FPGS: variants seen among roughly 807,000 people sequenced by gnomAD.
FPGS encodes folylpolyglutamate synthase.
In FPGS, 53 loss-of-function variants were observed where a neutral mutation model predicts 66.5. The observed-to-expected ratio is 0.80, with a 90% confidence interval of 0.64 to 1.00. The LOEUF is 1.00. Among genes scored for constraint, FPGS ranks in the 50% least tolerant of loss-of-function variants. The probability of loss-of-function intolerance (pLI) is 0.00; values close to 1 mark genes in which losing one functional copy is unlikely to be tolerated. For missense variants in FPGS, 702 were observed against 807.7 expected (o/e 0.87, Z 1.59); for synonymous variants, 348 against 350.9 (o/e 0.99, Z 0.09).
chr9:127,807,758 A>G lies in FPGS; in HGVS notation c.744+70A>G, dbSNP rs1186870840. ...GAGTCTACGTTTTCATCCTGGCTTCACTGTGTGACTGGAACAAGTTGAGTC... is the reference window on the plus strand; with the variant it reads ...GAGTCTACGTTTTCATCCTGGCTTCGCTGTGTGACTGGAACAAGTTGAGTC... On this transcript the variant is annotated intron_variant, in intron 8 of 14. Coordinates refer to ENST00000373247, the MANE Select transcript of FPGS (RefSeq NM_004957.6). This position sits in a 1 kb window ranked among gnomAD's most constrained non-coding sequence, Gnocchi z 5.8. 3 of 959,964 alleles carry G rather than the reference A, an allele frequency of 3.1e-6. No individual in the cohort carries two copies. The highest frequency in any genetic ancestry group is 3.3e-5 in the African/African-American group (2 of 61,134). The allele number at this position is 959,964 out of a possible 1,614,324, so 59.5% of individuals were successfully genotyped here. A position where few individuals can be genotyped will look rare whatever the true frequency, so the allele number is the denominator to read the frequency against.
At position 127,813,626 on chromosome 9, in the gene FPGS, G is replaced by T; in HGVS notation, c.*22G>T. 2 of 1,502,728 alleles carry T rather than the reference G, an allele frequency of 1.3e-6. No individual in the cohort carries two copies. The highest frequency in any genetic ancestry group is 2.4e-5 in the East Asian group (1 of 42,536). The allele number at this position is 1,502,728 out of a possible 1,614,324, so 93.1% of individuals were successfully genotyped here. On this transcript the variant is annotated 3_prime_UTR_variant, in exon 15 of 15. Transcript: ENST00000373247. ...GTAGCCAAGGCCCGGGGTTGGAGGT[G>T]GGAGCTTCCCACACCTGCCTGCGTT...
At chr9:127,804,206 C>T (rs1829718985) in intron 1 of FPGS, 79 bp from the exon 2 acceptor site, 1 of 1,557,854 alleles carries the variant, frequency 6.4e-7, no homozygotes, top group Non-Finnish European at 8.7e-7. Flanking sequence ...CCTGGCTTGG[C>T]CACTGGTCTG....
Position 127,813,393 on chromosome 9 carries a change from G to C in FPGS, c.1553G>C (p.Ser518Thr), listed in dbSNP as rs369079697. The change falls in exon 15 of 15, where the codon AGC (serine) becomes ACC (threonine). Residue 518 changes from serine (S) to threonine (T), a missense_variant. Physicochemically the swap from Ser to Thr is moderately conservative, Grantham distance 58. This residue lies in a region of FPGS where 351 missense variants were observed against 363.7 expected (regional missense o/e 0.97). Transcript: ENST00000373247. ...HTCSASSLVFSCISHALQWIS... is the reference protein window; with the variant it reads ...HTCSASSLVFTCISHALQWIS... ...TGCAGTGCCAGCTCCCTCGTCTTCA[G>C]CTGCATTTCACATGCCTTGCAATGG... 2.5e-6 allele frequency: 4 copies of C among 1,610,284 alleles called. No individual in the cohort carries two copies. Among genetic ancestry groups the C allele is most frequent in the Non-Finnish European group, 3.4e-6 (4 of 1,177,722 alleles).
In FPGS at chr9:127,807,807, T is replaced by A; in HGVS notation, c.744+119T>A. The A allele has an allele frequency of 1.5e-6, 1 of 669,430 alleles. No individual in the cohort carries two copies. The highest frequency in any genetic ancestry group is 3.2e-5 in the Admixed American group (1 of 31,146). 41.5% of individuals were successfully genotyped at this position (669,430 alleles called of 1,614,324 possible). On this transcript the variant is annotated intron_variant, in intron 8 of 14. Transcript: ENST00000373247. The surrounding 1 kb of genome is among the most constrained non-coding windows in gnomAD (Gnocchi z 5.8). Reference sequence around the variant, plus strand: ...TCTCCTCTCCAGACTATTTCCCCATTGAAACGTGAGGGATGGCTGGGCATG... The same window carrying A: ...TCTCCTCTCCAGACTATTTCCCCATAGAAACGTGAGGGATGGCTGGGCATG...
intron 11 of FPGS, among the ~76,000 whole-genome samples, 173 bp downstream of exon 11, chr9:127,809,062 T>A (rs1352377213): frequency 6.6e-6 from 1 of 151,008 alleles, no homozygotes; most frequent in East Asian, 2.0e-4. Flanking sequence ...GCTCATGAAC[T>A]CTTTCTGAGC....
rs1302190697 is a variant in FPGS, at chr9:127,809,819, G to T, written c.1196G>T (p.Arg399Leu). 6.8e-7 allele frequency: 1 copy of T among 1,462,702 alleles called. No individual in the cohort carries two copies. Among genetic ancestry groups the T allele is most frequent in the Non-Finnish European group, 8.9e-7 (1 of 1,118,238 alleles). The allele number at this position is 1,462,702 out of a possible 1,614,324, so 90.6% of individuals were successfully genotyped here. ...TGGTTCCGCCAGGCGCTGCAGGGCC[G>T]CGAGAGGCCGAGCGGGTGAGGGGCA... ...VRWFRQALQG[R>L]ERPSGGPEVR... Residue 399 changes from arginine to leucine, a missense_variant, in exon 12 of 15, where the codon CGC becomes CTC. Coordinates refer to ENST00000373247, the MANE Select transcript of FPGS (RefSeq NM_004957.6).
chr9:127,813,722 G>T lies in FPGS; in HGVS notation c.*118G>T. 7.4e-7 allele frequency: 1 copy of T among 1,349,320 alleles called. No homozygotes were observed. Among genetic ancestry groups the T allele is most frequent in the South Asian group, 2.0e-5 (1 of 48,942 alleles). 83.6% of individuals were successfully genotyped at this position (1,349,320 alleles called of 1,614,324 possible). A position where few individuals can be genotyped will look rare whatever the true frequency, so the allele number is the denominator to read the frequency against. ...CTGGTTCTGTCTAGACTGGCCTAGG[G>T]GCCAGGGCTTTGGGATGGGAGGCCG... On this transcript the variant is annotated 3_prime_UTR_variant, in exon 15 of 15. Coordinates refer to ENST00000373247, the MANE Select transcript of FPGS (RefSeq NM_004957.6).
Position 127,808,906 on chromosome 9 carries a change from T to C in FPGS, c.1060+17T>C. The C allele has an allele frequency of 6.5e-7, 1 of 1,532,922 alleles. No homozygotes were observed. The highest frequency in any genetic ancestry group is 2.0e-5 in the Admixed American group (1 of 51,134). The allele number at this position is 1,532,922 out of a possible 1,614,324, so 95.0% of individuals were successfully genotyped here. On this transcript the variant is annotated intron_variant, in intron 11 of 14. Coordinates refer to ENST00000373247, the MANE Select transcript of FPGS (RefSeq NM_004957.6). Reference sequence around the variant, plus strand: ...TGCGGCTCGGTGAGTTAGACCTTCCTGCCCAGCTGGGACCACTGCGTGTGT... The same window carrying C: ...TGCGGCTCGGTGAGTTAGACCTTCCCGCCCAGCTGGGACCACTGCGTGTGT...
chr9:127,810,410 G>C (rs1038774853), intron 13 of FPGS, among the ~76,000 whole-genome samples: 3 of 152,104 alleles, frequency 2.0e-5, no homozygotes, highest in Non-Finnish European at 4.4e-5. Context: ...CACCCTGGAC[G>C]AGAAGCGGCA....
chr9:127,810,801 G>T, intron 13 of FPGS, 144 bp from the exon 14 acceptor site: 1 of 538,612 alleles, frequency 1.9e-6, no homozygotes, highest in South Asian at 2.5e-5. Context: ...GCAGGGTGCT[G>T]AAGTACCTTG....
At chr9:127,810,903 C>T (rs753631378) in intron 13 of FPGS, 42 bp from the exon 14 acceptor site, 7 of 1,167,982 alleles carry the variant, frequency 6.0e-6, no homozygotes, top group Admixed American at 2.0e-5. Context: ...GGTGGACATC[C>T]TTTCGGGGGT....
At chr9:127,804,837 A>G (rs568406784) in intron 4 of FPGS, 137 bp downstream of exon 4, 11 of 801,950 alleles carry the variant, frequency 1.4e-5, no homozygotes, top group South Asian at 8.9e-5. Flanking sequence ...TATTCATTCA[A>G]TAAACATTCA....
Position 127,813,338 on chromosome 9 carries a change from C to G in FPGS, c.1498C>G (p.Leu500Val). 1 of 1,613,112 alleles carries G rather than the reference C, an allele frequency of 6.2e-7. No individual in the cohort carries two copies. The highest frequency in any genetic ancestry group is 8.5e-7 in the Non-Finnish European group (1 of 1,179,826). ...PSPEPGGSAS[L>V]LLAPHPPHTC... The stretch of plus-strand genomic sequence containing the variant: ...CCCAGAGCCCGGTGGGTCCGCATCC[C>G]TGCTTCTGGCGCCCCACCCACCCCA... Residue 500 changes from leucine to valine, a missense_variant, in exon 15 of 15, where the codon CTG becomes GTG. Coordinates refer to ENST00000373247, the MANE Select transcript of FPGS (RefSeq NM_004957.6).
chr9:127,804,354 G>A lies in FPGS; in HGVS notation c.208G>A (p.Gly70Ser), dbSNP rs1224654911. The A allele has an allele frequency of 7.4e-6, 12 of 1,614,208 alleles. No homozygotes were observed. Among genetic ancestry groups the A allele is most frequent in the Non-Finnish European group, 1.0e-5 (12 of 1,180,040 alleles). The change falls in exon 2 of 15, where the codon GGT (glycine) becomes AGT (serine). Residue 70 changes from glycine (G) to serine (S), a missense_variant. By Grantham distance (56) the Gly-to-Ser change is moderately conservative (BLOSUM62 0). Around this residue, in one of 3 missense-constraint regions of FPGS, gnomAD observed 240 missense variants for 348.6 expected, o/e 0.69. Transcript: ENST00000373247. The part of the protein sequence containing the change: ...GYLEQVKRQR[G>S]DPQTQLEAME... ...CCTGGAGCAGGTGAAGCGCCAGCGGGGTGACCCTCAGACACAGTTGGAAGC... is the reference window on the plus strand; with the variant it reads ...CCTGGAGCAGGTGAAGCGCCAGCGGAGTGACCCTCAGACACAGTTGGAAGC...
chr9:127,812,913 G>A (rs1380437969), intron 14 of FPGS, among the ~76,000 whole-genome samples: 1 of 152,204 alleles, frequency 6.6e-6, no homozygotes, highest in Non-Finnish European at 1.5e-5. Context: ...TTTATAGATG[G>A]AGACAATGAG....
rs1268930985 is a variant in FPGS at position 127,807,623 on chromosome 9, G to A, written c.679G>A (p.Asp227Asn). The A allele has an allele frequency of 3.7e-6, 6 of 1,610,862 alleles. No individual in the cohort carries two copies. The highest frequency in any genetic ancestry group is 4.2e-6 in the Non-Finnish European group (5 of 1,179,038). ...GTGCGGAGTCTCCTCTCTTGGCATC[G>A]ACCACACCAGCCTCCTGGGGGATAC... The part of the protein sequence containing the change: ...VVCGVSSLGI[D>N]HTSLLGDTVE... Residue 227 changes from aspartate (D) to asparagine (N), a missense_variant, in exon 8 of 15, where the codon GAC becomes AAC. Asp to Asn is a conservative substitution (Grantham distance 23). Transcript: ENST00000373247. The surrounding 1 kb of genome is among the most constrained non-coding windows in gnomAD (Gnocchi z 5.8).
chr9:127,813,589 C>A lies in FPGS; in HGVS notation c.1749C>A (p.Pro583=). ...GTGGTGTCCTGAAGCTGCTGGAGCC[C>A]GCACTGTCCCAGTAGCCAAGGCCCG... is the stretch of plus-strand genomic sequence containing the variant. The part of the protein sequence containing the change: ...LVGGVLKLLE[P]ALSQ Residue 583 remains proline (P), a synonymous_variant, in exon 15 of 15, where the codon CCC becomes CCA. Transcript: ENST00000373247. The A allele has an allele frequency of 3.3e-6, 5 of 1,536,134 alleles. No homozygotes were observed. The highest frequency in any genetic ancestry group is 4.4e-6 in the Non-Finnish European group (5 of 1,139,306).
At chr9:127,804,185 G>A (rs1360715885) in intron 1 of FPGS, 100 bp from the exon 2 acceptor site, 9 of 1,482,626 alleles carry the variant, frequency 6.1e-6, no homozygotes, top group Non-Finnish European at 8.3e-6. Context: ...GCCTGGTACT[G>A]GCCTTGTTGC....
In FPGS at chr9:127,807,813, G is replaced by C. The variant is rs184155766; in HGVS notation, c.744+125G>C. 6.2e-6 allele frequency: 4 copies of C among 646,546 alleles called. No individual in the cohort carries two copies. Among genetic ancestry groups the C allele is most frequent in the African/African-American group, 1.8e-5 (1 of 54,552 alleles). The allele number at this position is 646,546 out of a possible 1,614,324, so 40.1% of individuals were successfully genotyped here. On this transcript the variant is annotated intron_variant, in intron 8 of 14. Transcript: ENST00000373247. This position sits in a 1 kb window ranked among gnomAD's most constrained non-coding sequence, Gnocchi z 5.8. ...CTCCAGACTATTTCCCCATTGAAAC[G>C]TGAGGGATGGCTGGGCATGGTGGCT...
Sources: allele counts gnomAD v4.1 joint callset (sites outside exome capture counted in the v4.1 genomes callset), GRCh38; gene constraint gnomAD v4.1.1; regional missense constraint gnomAD v4.1.1; non-coding constraint Gnocchi (gnomAD v3.1); transcripts MANE v1.5; gene names NCBI Gene and HGNC (gene_info 2026-07-23, HGNC 2026-07-21).